Variants in SIRPG observed in about 807,000 individuals in gnomAD.
The protein encoded by SIRPG is signal-regulatory protein gamma.
Under a neutral mutation model 35.7 loss-of-function variants are expected in SIRPG, and 38 were observed. The ratio of observed to expected loss-of-function variants is 1.06; its 90% CI spans 0.82 to 1.40. The LOEUF is 1.40. Among genes scored for constraint, SIRPG ranks in the 40% most tolerant of loss-of-function variants. The probability of loss-of-function intolerance (pLI) is 0.00; values close to 1 mark genes in which losing one functional copy is unlikely to be tolerated. For missense variants in SIRPG, 519 were observed against 483.0 expected (o/e 1.07, Z -0.70); for synonymous variants, 215 against 190.4 (o/e 1.13, Z -1.06).
the SIRPG span, among the ~76,000 whole-genome samples, chr20:1,683,711 T>C: frequency 6.6e-6 from 1 of 152,138 alleles, no homozygotes; most frequent in Non-Finnish European, 1.5e-5. Context: ...GTAGAGCCTA[T>C]AATCACAGCA....
chr20:1,682,646 T>C, the SIRPG span, among the ~76,000 whole-genome samples: 2 of 152,172 alleles, frequency 1.3e-5, no homozygotes, highest in African/African-American at 4.8e-5. Context: ...TGTTATTGAG[T>C]AAACTGGATA....
At chr20:1,670,984 A>G in the SIRPG span, 2 of 363,506 alleles carry the variant, frequency 5.5e-6, no homozygotes, top group Non-Finnish European at 1.1e-5. Flanking sequence ...TCCAGAGGCC[A>G]GCACCATCCT....
At chr20:1,672,099 G>C in the SIRPG span, among the ~76,000 whole-genome samples, 2 of 152,178 alleles carry the variant, frequency 1.3e-5, no homozygotes, top group African/African-American at 4.8e-5. Flanking sequence ...CTGGAACCAG[G>C]CCGCTCAGCC....
At position 1,646,051 on chromosome 20, in the gene SIRPG, A is replaced by G. The variant is rs957690470; in HGVS notation, c.430+3001T>C. On this transcript the variant is annotated intron_variant, in intron 2 of 5. Coordinates refer to ENST00000303415, the MANE Select transcript of SIRPG (RefSeq NM_018556.4). ...TCTCTTAAAGGAGTTCATGATGATC[A>G]CCATTCTACAGAAGAGGAAACTGAG... 23 of 152,208 alleles carry G rather than the reference A, an allele frequency of 1.5e-4. 1 individual carries two copies. Among genetic ancestry groups the G allele is most frequent in the Admixed American group, 1.3e-3 (20 of 15,290 alleles). The allele number at this position is 152,208 out of a possible 1,614,324, so 9.4% of individuals were successfully genotyped here.
the SIRPG span, chr20:1,676,783 C>T: frequency 4.6e-6 from 1 of 216,468 alleles, no homozygotes. Flanking sequence ...CTGGACAGGC[C>T]CCACAGGGAA....
the SIRPG span, among the ~76,000 whole-genome samples, chr20:1,675,067 C>T: frequency 6.6e-6 from 1 of 152,258 alleles, no homozygotes; most frequent in South Asian, 2.1e-4. Flanking sequence ...AGAGAGAAGC[C>T]TCCCTCCTGG....
At chr20:1,660,642 T>C (rs1181562136), upstream of SIRPG, among the ~76,000 whole-genome samples, 1 of 152,178 alleles carries the variant, frequency 6.6e-6, no homozygotes, top group African/African-American at 2.4e-5. Flanking sequence ...ACGTGGAGAA[T>C]TGAAATTTAA....
At chr20:1,663,611 C>T in the SIRPG span, among the ~76,000 whole-genome samples, 1 of 152,214 alleles carries the variant, frequency 6.6e-6, no homozygotes, top group Non-Finnish European at 1.5e-5. Context: ...ATAAATCGGC[C>T]TTCTTTTTCC....
At chr20:1,635,005 T>C (rs1310785357) in intron 4 of SIRPG, among the ~76,000 whole-genome samples, 6 of 151,416 alleles carry the variant, frequency 4.0e-5, no homozygotes, top group South Asian at 2.1e-4. Flanking sequence ...ATCGCGCCAC[T>C]GCACTCCAGT....
intron 1 of SIRPG, among the ~76,000 whole-genome samples, chr20:1,649,629 C>CTTTTTTTTTTTTTTTT (rs35561366): frequency 1.3e-5 from 1 of 75,764 alleles, no homozygotes; most frequent in African/African-American, 5.7e-5. Context: ...CAGAGAGGTT[C>CTTTTTTTTTTTTTTTT]TTTTTTTTTT....
At position 1,649,427 on chromosome 20, in the gene SIRPG, C is replaced by T; in HGVS notation, c.74-19G>A. On this transcript the variant is annotated intron_variant, in intron 1 of 5. Transcript: ENST00000303415. Reference sequence around the variant, plus strand: ...GCCACTTCTGAAAAGGAGCACAAAGCAATCATTTTTTCATCCTTACATAAT... The same window carrying T: ...GCCACTTCTGAAAAGGAGCACAAAGTAATCATTTTTTCATCCTTACATAAT... The T allele has an allele frequency of 6.3e-7, 1 of 1,578,038 alleles. No homozygotes were observed. The highest frequency in any genetic ancestry group is 1.1e-5 in the South Asian group (1 of 87,152).
At chr20:1,656,197 C>T (rs1369408743) in intron 1 of SIRPG, among the ~76,000 whole-genome samples, 1 of 152,148 alleles carries the variant, frequency 6.6e-6, no homozygotes, top group Non-Finnish European at 1.5e-5. Flanking sequence ...AATATTTCTA[C>T]ACATAGCATA....
chr20:1,653,337 A>G (rs2091954063), intron 1 of SIRPG, among the ~76,000 whole-genome samples: 2 of 152,240 alleles, frequency 1.3e-5, no homozygotes, highest in East Asian at 1.9e-4. Context: ...TACCTTGTAT[A>G]TAATGATCAC....
intron 2 of SIRPG, chr20:1,637,856 T>G (rs1231512085): frequency 6.6e-6 from 1 of 152,078 alleles, no homozygotes; most frequent in East Asian, 1.9e-4. Context: ...ATCAGAAAAA[T>G]GAGGGTAGTT....
chr20:1,649,234 C>A lies in SIRPG; in HGVS notation c.248G>T (p.Gly83Val), dbSNP rs2091920753. The change falls in exon 2 of 6, where the codon GGC becomes GTC. Residue 83 changes from glycine to valine, a missense_variant. Coordinates refer to ENST00000303415, the MANE Select transcript of SIRPG (RefSeq NM_018556.4). ...GRELIYNQKE[G>V]HFPRVTTVSD... ...AACTGTTGTTACCCTGGGGAAGTGG[C>A]CTTCTTTTTGATTGTAGATTAATTC... 6.2e-7 allele frequency: 1 copy of A among 1,614,084 alleles called. No homozygotes were observed. The highest frequency in any genetic ancestry group is 8.5e-7 in the Non-Finnish European group (1 of 1,180,012).
intron 2 of SIRPG, among the ~76,000 whole-genome samples, chr20:1,638,129 G>T (rs930431268): frequency 1.3e-5 from 2 of 152,178 alleles, no homozygotes; most frequent in African/African-American, 4.8e-5. Flanking sequence ...GGCTTCTTGG[G>T]AGCCTGATGC....
chr20:1,640,605 TC>T (rs779027384), intron 2 of SIRPG, among the ~76,000 whole-genome samples: 38 of 152,300 alleles, frequency 2.5e-4, no homozygotes, highest in African/African-American at 8.2e-4. Context: ...CTTATTTCCT[TC>T]TCTTGCCTGA....
the SIRPG span, among the ~76,000 whole-genome samples, chr20:1,668,103 T>G: frequency 6.6e-6 from 1 of 152,244 alleles, no homozygotes; most frequent in Non-Finnish European, 1.5e-5. Flanking sequence ...AGACCAGATA[T>G]TTTCACAGGA....
Position 1,636,399 on chromosome 20 carries a change from G to T in SIRPG, c.537C>A (p.Thr179=). ...CATTCCCATTTTTGAACCATTTCAG[G>T]GTGATGTCTCTGGGAGAGAAGCCAT... ...ESHGFSPRDI[T]LKWFKNGNEL... is the part of the protein sequence containing the mutation. Residue 179 remains threonine (T), a synonymous_variant, in exon 3 of 6, where the codon ACC becomes ACA. Transcript: ENST00000303415. 6.2e-7 allele frequency: 1 copy of T among 1,614,204 alleles called. No individual in the cohort carries two copies. The highest frequency in any genetic ancestry group is 8.5e-7 in the Non-Finnish European group (1 of 1,180,034).
Sources: gnomAD v4.1 joint callset for allele counts (sites outside exome capture counted in the v4.1 genomes callset) on GRCh38, gnomAD v4.1.1 for gene constraint, MANE v1.5 for transcripts, NCBI Gene and HGNC (gene_info 2026-07-23, HGNC 2026-07-21) for gene names.